Variants in RBM47 observed in about 807,000 individuals in gnomAD.
RBM47 encodes RNA binding motif protein 47.
A neutral mutation model predicts 47.1 loss-of-function variants in RBM47; 21 were observed. The ratio of observed to expected loss-of-function variants is 0.45; its 90% CI spans 0.32 to 0.64. RBM47 has a LOEUF of 0.64. Among genes scored for constraint, RBM47 ranks in the 30% least tolerant of loss-of-function variants. The pLI is 0.05. For missense variants in RBM47, 708 were observed against 870.9 expected (o/e 0.81, Z 2.35); for synonymous variants, 375 against 361.7 (o/e 1.04, Z -0.42).
chr4:40,516,472 C>A (rs1725596080), intron 2 of RBM47, among the ~76,000 whole-genome samples: 1 of 151,826 alleles, frequency 6.6e-6, no homozygotes, highest in Admixed American at 6.6e-5. Flanking sequence ...GTTGGCCAGG[C>A]TGGTCTCGAA....
At chr4:40,440,329 A>G (rs1713430003) in intron 3 of RBM47, among the ~76,000 whole-genome samples, 1 of 152,188 alleles carries the variant, frequency 6.6e-6, no homozygotes, top group South Asian at 2.1e-4. Flanking sequence ...CGCCTAATTT[A>G]CATGGTGCTA....
intron 1 of RBM47, among the ~76,000 whole-genome samples, chr4:40,566,511 G>A (rs1213005281): frequency 6.6e-6 from 1 of 151,930 alleles, no homozygotes; most frequent in Admixed American, 6.6e-5. Flanking sequence ...CGGGTATGGT[G>A]GCGCGTGCCT....
At chr4:40,436,346 A>T in intron 5 of RBM47, 95 bp downstream of exon 5, 1 of 1,207,804 alleles carries the variant, frequency 8.3e-7, no homozygotes, top group Admixed American at 1.8e-5. Flanking sequence ...ACCCCTGTGC[A>T]GATGTGAGAG....
chr4:40,612,290 G>A (rs943396305), intron 1 of RBM47, among the ~76,000 whole-genome samples: 1 of 152,196 alleles, frequency 6.6e-6, no homozygotes, highest in Non-Finnish European at 1.5e-5. Flanking sequence ...CCAGCACTTT[G>A]GAAGGCCGAT....
intron 1 of RBM47, among the ~76,000 whole-genome samples, chr4:40,609,868 G>A (rs145763386): frequency 0.021 from 3,231 of 151,686 alleles, 53 homozygotes; most frequent in South Asian, 0.04. Context: ...GCTGAGGAGG[G>A]CAGATCACCT....
chr4:40,585,020 A>G (rs1733408137), intron 1 of RBM47, among the ~76,000 whole-genome samples: 1 of 152,222 alleles, frequency 6.6e-6, no homozygotes, highest in South Asian at 2.1e-4. Flanking sequence ...CCTGTGGCTG[A>G]AAATTAAGGC....
chr4:40,555,655 G>A (rs1156353525), intron 1 of RBM47, among the ~76,000 whole-genome samples: 5 of 152,198 alleles, frequency 3.3e-5, no homozygotes, highest in Non-Finnish European at 7.3e-5. Context: ...AACTGGCAAC[G>A]CTAGGACTGC....
rs1714940228 is a variant in RBM47, at chr4:40,425,874, T to A, written c.*30A>T. Reference sequence around the variant, plus strand: ...TCAAGCGTTCCTTCAGTGGTGTTTGTGTGGTCTGTCTTCGTGCTGGTCACC... The same window carrying A: ...TCAAGCGTTCCTTCAGTGGTGTTTGAGTGGTCTGTCTTCGTGCTGGTCACC... On this transcript the variant is annotated 3_prime_UTR_variant, in exon 7 of 7. Coordinates refer to ENST00000295971, the MANE Select transcript of RBM47 (RefSeq NM_001098634.2). 1 of 1,605,768 alleles carries A rather than the reference T, an allele frequency of 6.2e-7. No homozygotes were observed.
intron 1 of RBM47, among the ~76,000 whole-genome samples, chr4:40,589,209 C>A (rs538683296): frequency 4.6e-5 from 7 of 151,580 alleles, no homozygotes; most frequent in Admixed American, 2.0e-4. Context: ...CTCAAGTGAT[C>A]CACCTGCCTT....
rs572521127 is a variant in RBM47, at chr4:40,481,790, G to A, written c.-154-15091C>T. On this transcript the variant is annotated intron_variant, in intron 2 of 6. Coordinates refer to ENST00000295971, the MANE Select transcript of RBM47 (RefSeq NM_001098634.2). ...TGGTCTTAAACTCCTGACCTCAAGC[G>A]ATCCGCCCGCCTTGGTCTTCCAAAG... Among the ~76,000 whole-genome samples, 4 of 152,282 alleles carry A rather than the reference G, an allele frequency of 2.6e-5. No individual in the cohort carries two copies. In the South Asian group the frequency reaches 8.3e-4, roughly 32 times the overall value.
intron 2 of RBM47, among the ~76,000 whole-genome samples, chr4:40,492,988 A>G (rs534921787): frequency 2.6e-5 from 4 of 152,114 alleles, no homozygotes; most frequent in Non-Finnish European, 5.9e-5. Context: ...TTCCCAAGCA[A>G]CCAAGCTAAA....
At chr4:40,582,314 AC>A (rs1287178016) in intron 1 of RBM47, among the ~76,000 whole-genome samples, 1 of 152,070 alleles carries the variant, frequency 6.6e-6, no homozygotes, top group Non-Finnish European at 1.5e-5. Context: ...CAGGAGGATC[AC>A]CTGAGGTCAG....
intron 1 of RBM47, among the ~76,000 whole-genome samples, chr4:40,571,421 T>C (rs10020663): frequency 0.41 from 61,522 of 151,744 alleles, 14,277 homozygotes; most frequent in African/African-American, 0.6. Flanking sequence ...AAATAAGTTG[T>C]ATCTATACCT....
intron 1 of RBM47, among the ~76,000 whole-genome samples, chr4:40,602,393 TAATCC>T (rs1255065427): frequency 6.6e-6 from 1 of 151,970 alleles, no homozygotes; most frequent in Admixed American, 6.5e-5. Context: ...CTCACGCCTG[TAATCC>T]CAGCACTTTG....
chr4:40,475,565 T>C (rs1205015260), intron 2 of RBM47: 1 of 152,192 alleles, frequency 6.6e-6, no homozygotes, highest in Non-Finnish European at 1.5e-5. Context: ...CCAAATTTTT[T>C]TGGGGGGGTC....
intron 1 of RBM47, among the ~76,000 whole-genome samples, chr4:40,593,920 G>C (rs1366259274): frequency 6.6e-6 from 1 of 151,350 alleles, no homozygotes; most frequent in Non-Finnish European, 1.5e-5. Flanking sequence ...CGTGGTGGTG[G>C]GTGCCTGTAA....
chr4:40,478,037 CAG>C (rs1284046380), intron 2 of RBM47, among the ~76,000 whole-genome samples: 2 of 87,526 alleles, frequency 2.3e-5, no homozygotes, highest in African/African-American at 1.1e-4. Flanking sequence ...TTTTTTGAGA[CAG>C]AGTTTTGCTC....
At chr4:40,464,434 T>A (rs1402990374) in intron 3 of RBM47, among the ~76,000 whole-genome samples, 2 of 152,076 alleles carry the variant, frequency 1.3e-5, no homozygotes, top group Non-Finnish European at 2.9e-5. Flanking sequence ...ACAACAATAA[T>A]AAAATGTAAC....
At chr4:40,613,458 A>G (rs755214693) in intron 1 of RBM47, among the ~76,000 whole-genome samples, 2 of 152,212 alleles carry the variant, frequency 1.3e-5, no homozygotes, top group Non-Finnish European at 2.9e-5. Flanking sequence ...TGAATCCACA[A>G]GAAAGGGAAA....
Sources: gnomAD v4.1 joint callset for allele counts (sites outside exome capture counted in the v4.1 genomes callset) on GRCh38, gnomAD v4.1.1 for gene constraint, MANE v1.5 for transcripts, NCBI Gene and HGNC (gene_info 2026-07-23, HGNC 2026-07-21) for gene names.